MZT2B: variants seen among roughly 807,000 people sequenced by gnomAD.
MZT2B encodes the protein mitotic spindle organizing protein 2B.
Under a neutral mutation model 12.1 loss-of-function variants are expected in MZT2B, and 11 were observed. The ratio of observed to expected loss-of-function variants is 0.91; its 90% CI spans 0.57 to 1.50. The LOEUF is 1.50. Ranked by LOEUF, MZT2B falls within the 40% of genes most tolerant of loss-of-function variation. The probability of loss-of-function intolerance (pLI) is 0.00; values close to 1 mark genes in which losing one functional copy is unlikely to be tolerated. For synonymous variants in MZT2B, 85 were observed against 109.5 expected, an observed-to-expected ratio of 0.78 and a Z score of 1.40; for missense variants, 209 against 227.7, an observed-to-expected ratio of 0.92 and a Z score of 0.53.
At chr2:130,185,092 G>A (rs1295304733) in intron 2 of MZT2B, among the ~76,000 whole-genome samples, 4 of 152,084 alleles carry the variant, frequency 2.6e-5, no homozygotes, top group Non-Finnish European at 4.4e-5. Context: ...GGCGGATCTC[G>A]AGGTCAGGAG....
intron 2 of MZT2B, chr2:130,183,093 G>T: frequency 2.0e-6 from 1 of 499,434 alleles, no homozygotes. Context: ...TTTGGGGCTG[G>T]GCGCCCTGGC....
At chr2:130,203,147 T>C in the MZT2B span, among the ~76,000 whole-genome samples, 3 of 150,824 alleles carry the variant, frequency 2.0e-5, no homozygotes, top group African/African-American at 4.9e-5. Flanking sequence ...CTAAAATACA[T>C]TCATTTATAC....
the MZT2B span, among the ~76,000 whole-genome samples, chr2:130,202,809 G>C: frequency 2.0e-5 from 3 of 152,190 alleles, no homozygotes; most frequent in South Asian, 6.2e-4. Flanking sequence ...GTTATCTGCA[G>C]TGACACGCTG....
the MZT2B span, among the ~76,000 whole-genome samples, chr2:130,200,647 G>T: frequency 8.5e-5 from 13 of 152,184 alleles, no homozygotes; most frequent in African/African-American, 1.4e-4. Context: ...AGAGGGAGTG[G>T]GTTTATGGCC....
downstream of MZT2B, among the ~76,000 whole-genome samples, chr2:130,192,605 C>T (rs1307100033): frequency 1.3e-5 from 2 of 152,176 alleles, no homozygotes; most frequent in Admixed American, 1.3e-4. Flanking sequence ...GGTCAAGAGT[C>T]ATATGAATGC....
intron 2 of MZT2B, chr2:130,184,656 AG>A (rs1689988627): frequency 1.0e-6 from 1 of 985,290 alleles, no homozygotes; most frequent in Admixed American, 6.2e-5. Context: ...GGCCTGGAGT[AG>A]GGGTGTATGC....
intron 1 of MZT2B, 30 bp downstream of exon 1, chr2:130,182,482 A>G: frequency 1.3e-6 from 2 of 1,540,686 alleles, no homozygotes; most frequent in Non-Finnish European, 1.8e-6. Context: ...GCCGCATGCT[A>G]GCCAGACACC....
At chr2:130,198,253 C>G in the MZT2B span, 2 of 1,254,746 alleles carry the variant, frequency 1.6e-6, no homozygotes, top group South Asian at 1.5e-5. Context: ...GCGTCCTTCT[C>G]TGGCCTCCTC....
chr2:130,188,025 CAG>C (rs1353054232), intron 2 of MZT2B: 1 of 149,838 alleles, frequency 6.7e-6, no homozygotes, highest in African/African-American at 2.5e-5. Flanking sequence ...GACCAAGTGA[CAG>C]AGCAAGACTC....
chr2:130,181,961 G>A (rs1689693658), upstream of MZT2B: 1 of 1,408,276 alleles, frequency 7.1e-7, no homozygotes, highest in Admixed American at 2.2e-5. Flanking sequence ...AGCGCCCAAT[G>A]TATGCCTGGC....
At chr2:130,185,327 T>C (rs1251580461) in intron 2 of MZT2B, among the ~76,000 whole-genome samples, 1 of 122,776 alleles carries the variant, frequency 8.1e-6, no homozygotes. Context: ...AAAAAAAAAC[T>C]AGCCAGGTGG....
downstream of MZT2B, among the ~76,000 whole-genome samples, chr2:130,194,840 G>A (rs568811873): frequency 6.6e-6 from 1 of 152,264 alleles, no homozygotes; most frequent in South Asian, 2.1e-4. Flanking sequence ...ACCACACCCA[G>A]CTAATTTTCG....
At chr2:130,194,240 G>C (rs777368405), downstream of MZT2B, 2 of 1,612,154 alleles carry the variant, frequency 1.2e-6, no homozygotes, top group East Asian at 4.5e-5. Flanking sequence ...GACCATGAAG[G>C]CACAGTCAGA....
At chr2:130,191,258 C>G (rs577352200), downstream of MZT2B, among the ~76,000 whole-genome samples, 9 of 152,168 alleles carry the variant, frequency 5.9e-5, no homozygotes, top group African/African-American at 2.2e-4. Context: ...AGAGGGCGAA[C>G]GCTGCCTTCC....
At chr2:130,201,797 G>A in the MZT2B span, among the ~76,000 whole-genome samples, 4 of 152,188 alleles carry the variant, frequency 2.6e-5, no homozygotes, top group Non-Finnish European at 5.9e-5. Flanking sequence ...CCAAGGTGGT[G>A]CAGCCTACTG....
At chr2:130,192,156 G>A (rs2695516), downstream of MZT2B, 30 of 1,581,240 alleles carry the variant, frequency 1.9e-5, no homozygotes, top group African/African-American at 2.7e-5. Flanking sequence ...AAAGCAGTCC[G>A]TGAAGCTTAT....
rs146080519 is a variant in MZT2B, at chr2:130,190,590, C to G, written c.441C>G (p.Gly147=). 6 of 1,612,968 alleles carry G rather than the reference C, an allele frequency of 3.7e-6. No individual in the cohort carries two copies. Among genetic ancestry groups the G allele is most frequent in the East Asian group, 2.2e-5 (1 of 44,796 alleles). The part of the protein sequence containing the change: ...QPSATRLPKG[G]GPGKSPTRGS... Reference sequence around the variant, plus strand: ...GCGCTACCAGGCTGCCCAAGGGGGGCGGGCCTGGGAAGAGCCCTACACGGG... The same window carrying G: ...GCGCTACCAGGCTGCCCAAGGGGGGGGGGCCTGGGAAGAGCCCTACACGGG... The change falls in exon 3 of 3, where the codon GGC becomes GGG. Residue 147 remains glycine, a synonymous_variant. Coordinates refer to ENST00000281871, the MANE Select transcript of MZT2B (RefSeq NM_025029.5).
downstream of MZT2B, chr2:130,192,092 G>C (rs778488883): frequency 1.2e-6 from 2 of 1,605,850 alleles, no homozygotes; most frequent in Non-Finnish European, 1.7e-6. Context: ...GGTCTCCCCC[G>C]GGGACCACTG....
chr2:130,184,602 C>T, intron 2 of MZT2B: 1 of 985,368 alleles, frequency 1.0e-6, no homozygotes, highest in Non-Finnish European at 1.2e-6. Flanking sequence ...TCACTGCCAC[C>T]CAGAGCTCGG....
Sources: allele counts gnomAD v4.1 joint callset (sites outside exome capture counted in the v4.1 genomes callset), GRCh38; gene constraint gnomAD v4.1.1; transcripts MANE v1.5; gene names NCBI Gene and HGNC (gene_info 2026-07-23, HGNC 2026-07-21).